PDZD2: variants seen among roughly 807,000 people sequenced by gnomAD.
PDZD2 encodes PDZ domain containing 2.
A neutral mutation model predicts 220.7 loss-of-function variants in PDZD2; 90 were observed. That is an observed-to-expected ratio of 0.41 (90% CI 0.34 to 0.49). The LOEUF is 0.49. PDZD2 is among the 20% of genes least tolerant of loss of function. The pLI, the probability that PDZD2 is intolerant of heterozygous loss-of-function variation, is 0.28. For missense variants in PDZD2, 3,174 were observed against 3,608.5 expected (o/e 0.88, Z 3.08); for synonymous variants, 1,375 against 1,450.5 (o/e 0.95, Z 1.18).
chr5:31,645,423 G>A (rs941332202), intron 1 of PDZD2, among the ~76,000 whole-genome samples: 1 of 148,168 alleles, frequency 6.7e-6, no homozygotes, highest in Non-Finnish European at 1.5e-5. Flanking sequence ...TGCAACCTCT[G>A]CCTCCCAGGT....
intron 1 of PDZD2, among the ~76,000 whole-genome samples, chr5:31,710,122 G>A (rs1402775703): frequency 6.6e-6 from 1 of 152,142 alleles, no homozygotes; most frequent in African/African-American, 2.4e-5. Flanking sequence ...TGAAGGAAGT[G>A]GCTTAGAGGT....
intron 2 of PDZD2, among the ~76,000 whole-genome samples, chr5:31,894,192 C>T (rs1741326926): frequency 1.3e-5 from 2 of 150,808 alleles, no homozygotes; most frequent in South Asian, 2.1e-4. Context: ...GGGTTACAGA[C>T]GTGAGCCACC....
intron 1 of PDZD2, among the ~76,000 whole-genome samples, chr5:31,694,806 T>G (rs1042510378): frequency 5.9e-5 from 9 of 151,290 alleles, no homozygotes; most frequent in Admixed American, 1.3e-4. Flanking sequence ...TATTTTTTTT[T>G]TGTGAAAGCA....
chr5:31,643,976 C>A (rs908866446), intron 1 of PDZD2, among the ~76,000 whole-genome samples: 4 of 151,832 alleles, frequency 2.6e-5, no homozygotes, highest in African/African-American at 9.7e-5. Flanking sequence ...ACAGACACCA[C>A]CGCACCTGGC....
At chr5:31,848,096 C>A in intron 2 of PDZD2, 1 of 324,460 alleles carries the variant, frequency 3.1e-6, no homozygotes, top group Non-Finnish European at 5.9e-6. Context: ...GAAGAAAGAT[C>A]AGGTAGCTCA....
chr5:31,652,343 A>G (rs1300253301), intron 1 of PDZD2, among the ~76,000 whole-genome samples: 2 of 152,092 alleles, frequency 1.3e-5, no homozygotes, highest in African/African-American at 4.8e-5. Flanking sequence ...CCCCATCTTC[A>G]TCTTAGCATA....
chr5:31,799,822 G>A lies in PDZD2; in HGVS notation c.476+98G>A. 6.6e-6 allele frequency: 5 copies of A among 760,152 alleles called. No homozygotes were observed. In the South Asian group the frequency reaches 8.1e-5, roughly 12 times the overall value. 47.1% of individuals were successfully genotyped at this position (760,152 alleles called of 1,614,324 possible). A position where few individuals can be genotyped will look rare whatever the true frequency, so the allele number is the denominator to read the frequency against. Reference sequence around the variant, plus strand: ...AGAGGTTTATGAATCCTGCCAATAAGAAGCTGATGGCATAAGAAATGTCTC... The same window carrying A: ...AGAGGTTTATGAATCCTGCCAATAAAAAGCTGATGGCATAAGAAATGTCTC... On this transcript the variant is annotated intron_variant, in intron 2 of 24. Transcript: ENST00000438447.
intron 5 of PDZD2, among the ~76,000 whole-genome samples, chr5:32,006,837 G>A (rs1038534365): frequency 1.9e-4 from 28 of 149,228 alleles, no homozygotes; most frequent in African/African-American, 5.9e-4. Flanking sequence ...CCATAGGCAC[G>A]TGCCACCGCA....
intron 2 of PDZD2, among the ~76,000 whole-genome samples, chr5:31,956,066 T>C (rs1407252165): frequency 6.6e-6 from 1 of 152,112 alleles, no homozygotes; most frequent in African/African-American, 2.4e-5. Context: ...GAATGTCCCA[T>C]GTGCACATGA....
rs368179983 is a variant in PDZD2, at chr5:32,042,274, AC to A, written c.1519+4933del. ...GAGACTCTGTCTAAAAAAAAAAAAA[AC>A]ATCTGGCCGGGCATGGTGGCTCACG... On this transcript the variant is annotated intron_variant, in intron 7 of 24. Transcript: ENST00000438447. 1.1e-3 allele frequency among the ~76,000 whole-genome samples: 165 copies of A among 148,782 alleles called. 2 individuals are homozygous for A. In the East Asian group the frequency reaches 0.019, roughly 17 times the overall value.
At chr5:31,649,006 C>G (rs1274232286) in intron 1 of PDZD2, among the ~76,000 whole-genome samples, 1 of 152,006 alleles carries the variant, frequency 6.6e-6, no homozygotes, top group Admixed American at 6.6e-5. Context: ...TGCTCTGACT[C>G]CTATTCATCC....
At chr5:31,917,666 C>T (rs1231550660) in intron 2 of PDZD2, among the ~76,000 whole-genome samples, 1 of 152,148 alleles carries the variant, frequency 6.6e-6, no homozygotes, top group African/African-American at 2.4e-5. Context: ...TAAAGACATA[C>T]CTGAAGCTGG....
At chr5:31,825,018 T>C (rs1756129052) in intron 2 of PDZD2, among the ~76,000 whole-genome samples, 1 of 152,124 alleles carries the variant, frequency 6.6e-6, no homozygotes, top group Non-Finnish European at 1.5e-5. Context: ...TAAATTTGTT[T>C]AGTATCACAT....
At chr5:32,028,681 T>G (rs75680660) in intron 6 of PDZD2, among the ~76,000 whole-genome samples, 68,784 of 142,352 alleles carry the variant, frequency 0.48, 17,320 homozygotes, top group Non-Finnish European at 0.57. Context: ...TTTTGTTTTT[T>G]TTGTTTTTTT....
chr5:31,815,385 T>C (rs531801596), intron 2 of PDZD2, among the ~76,000 whole-genome samples: 9 of 152,214 alleles, frequency 5.9e-5, no homozygotes, highest in African/African-American at 2.2e-4. Flanking sequence ...GAATGTAGAT[T>C]TTCCCCACAA....
chr5:31,983,353 T>G lies in PDZD2; in HGVS notation c.675T>G (p.Pro225=), dbSNP rs1158514010. ...RTRKFGVISR[P]PANKAPEESK... is the part of the protein sequence containing the mutation. Reference sequence around the variant, plus strand: ...GAAAGTTTGGGGTCATCTCCAGGCCTCCTGCCAACAAGGCCCCTGAAGAAT... The same window carrying G: ...GAAAGTTTGGGGTCATCTCCAGGCCGCCTGCCAACAAGGCCCCTGAAGAAT... The change falls in exon 3 of 25, where the codon CCT becomes CCG. Residue 225 remains proline (P), a synonymous_variant. Transcript: ENST00000438447. 6.2e-7 allele frequency: 1 copy of G among 1,614,198 alleles called. No homozygotes were observed. The highest frequency in any genetic ancestry group is 1.7e-5 in the Admixed American group (1 of 60,026).
At chr5:31,737,977 G>A (rs1456992613) in intron 1 of PDZD2, among the ~76,000 whole-genome samples, 1 of 152,092 alleles carries the variant, frequency 6.6e-6, no homozygotes, top group East Asian at 1.9e-4. Context: ...ACCTGCTCAG[G>A]GCCACCCAGG....
chr5:31,838,799 C>T (rs1402082223), intron 2 of PDZD2, among the ~76,000 whole-genome samples: 1 of 152,226 alleles, frequency 6.6e-6, no homozygotes, highest in Admixed American at 6.5e-5. Context: ...AATTCCAGGT[C>T]TGGGGCATTC....
intron 6 of PDZD2, among the ~76,000 whole-genome samples, chr5:32,011,280 G>A (rs527275189): frequency 2.0e-5 from 3 of 151,430 alleles, no homozygotes; most frequent in Admixed American, 6.6e-5. Context: ...CTTGAGCTCA[G>A]GAGTCGGAGA....
Sources: gnomAD v4.1 joint callset for allele counts (sites outside exome capture counted in the v4.1 genomes callset) on GRCh38, gnomAD v4.1.1 for gene constraint, MANE v1.5 for transcripts, NCBI Gene and HGNC (gene_info 2026-07-23, HGNC 2026-07-21) for gene names.